The following SLMAP variants were observed in gnomAD, a reference collection of about 807,000 sequenced individuals.
SLMAP encodes the protein sarcolemmal membrane-associated protein.
In SLMAP, 44 loss-of-function variants were observed where a neutral mutation model predicts 128.8. The observed-to-expected ratio is 0.34, with a 90% CI of 0.27 to 0.44. The LOEUF is 0.44. Ranked by LOEUF, SLMAP falls within the 20% of genes least tolerant of loss-of-function variation. The pLI is 1.00. For synonymous variants in SLMAP, 327 were observed against 348.8 expected (o/e 0.94, Z 0.70); for missense variants, 787 against 985.3 (o/e 0.80, Z 2.69).
At chr3:57,907,801 A>G in intron 17 of SLMAP, 83 bp from the exon 18 acceptor site, 2 of 1,345,472 alleles carry the variant, frequency 1.5e-6, no homozygotes, top group Admixed American at 4.6e-5. Context: ...GCATGTGCAA[A>G]CATGAGAGAG....
intron 2 of SLMAP, among the ~76,000 whole-genome samples, chr3:57,770,879 A>C (rs2080708298): frequency 6.6e-6 from 1 of 152,140 alleles, no homozygotes; most frequent in African/African-American, 2.4e-5. Flanking sequence ...GCCTGAGATC[A>C]GAAGTTTTTT....
chr3:57,922,364 T>G (rs370515507), intron 22 of SLMAP, among the ~76,000 whole-genome samples: 14 of 151,956 alleles, frequency 9.2e-5, no homozygotes, highest in African/African-American at 3.1e-4. Context: ...TACTCTTAAT[T>G]TTTTTTAACT....
intron 14 of SLMAP, among the ~76,000 whole-genome samples, chr3:57,885,886 C>T (rs1274271074): frequency 2.7e-4 from 38 of 139,690 alleles, no homozygotes; most frequent in African/African-American, 8.9e-4. Context: ...CAGATTCAAG[C>T]GATTCTTCTG....
At chr3:57,807,526 T>C (rs969312453) in intron 2 of SLMAP, among the ~76,000 whole-genome samples, 1 of 152,236 alleles carries the variant, frequency 6.6e-6, no homozygotes, top group African/African-American at 2.4e-5. Context: ...ATCGAAGGCC[T>C]TTCTGCATCT....
intron 14 of SLMAP, among the ~76,000 whole-genome samples, chr3:57,885,576 C>T (rs1276100646): frequency 6.7e-6 from 1 of 148,836 alleles, no homozygotes; most frequent in Non-Finnish European, 1.5e-5. Flanking sequence ...CCCACCACCA[C>T]GACTGGCTAA....
chr3:57,820,564 G>C (rs2092409047), intron 2 of SLMAP, among the ~76,000 whole-genome samples: 1 of 152,136 alleles, frequency 6.6e-6, no homozygotes, highest in Admixed American at 6.5e-5. Context: ...GTAAACGCGA[G>C]GGCAAATGGT....
intron 2 of SLMAP, among the ~76,000 whole-genome samples, chr3:57,791,427 C>T (rs1689483598): frequency 6.6e-6 from 1 of 152,016 alleles, no homozygotes; most frequent in African/African-American, 2.4e-5. Context: ...TCTTTACTTG[C>T]ACAATGTTTT....
At chr3:57,829,691 A>G (rs746015284) in intron 2 of SLMAP, among the ~76,000 whole-genome samples, 1 of 152,230 alleles carries the variant, frequency 6.6e-6, no homozygotes, top group African/African-American at 2.4e-5. Context: ...CAGTTGGTCT[A>G]TTTTGAATTA....
At chr3:57,918,225 G>A (rs1173664683) in intron 22 of SLMAP, 1 of 152,182 alleles carries the variant, frequency 6.6e-6, no homozygotes, top group Non-Finnish European at 1.5e-5. Flanking sequence ...AATACTGTAA[G>A]CACTTTGTGT....
At chr3:57,912,870 C>T (rs1261918094) in intron 20 of SLMAP, among the ~76,000 whole-genome samples, 169 bp downstream of exon 20, 1 of 151,840 alleles carries the variant, frequency 6.6e-6, no homozygotes, top group African/African-American at 2.4e-5. Flanking sequence ...GCAAGTTCTA[C>T]TTAAATTTAT....
Position 57,818,242 on chromosome 3 carries a change from G to A in SLMAP, c.199-13141G>A, listed in dbSNP as rs373851327. ...GCAATCTTGGCTCACTGCAACCTCC[G>A]CCTCCCGGGTTCAAGCGATTCTCCT... On this transcript the variant is annotated intron_variant, in intron 2 of 24. Coordinates refer to ENST00000671191, the MANE Select transcript of SLMAP (RefSeq NM_001377540.1). Among the ~76,000 whole-genome samples, 26 of 152,174 alleles carry A rather than the reference G, an allele frequency of 1.7e-4. No individual in the cohort carries two copies. In the South Asian group the frequency reaches 5.4e-3, roughly 32 times the overall value.
chr3:57,857,671 A>T, intron 6 of SLMAP, 62 bp from the exon 7 acceptor site: 1 of 1,063,700 alleles, frequency 9.4e-7, no homozygotes, highest in Non-Finnish European at 1.4e-6. Context: ...CTGAAAATTG[A>T]TCACTCCTCA....
intron 2 of SLMAP, among the ~76,000 whole-genome samples, chr3:57,769,530 G>T (rs2080404058): frequency 6.6e-6 from 1 of 151,908 alleles, no homozygotes; most frequent in Admixed American, 6.6e-5. Flanking sequence ...TCACTATGTT[G>T]CCCGGCTGGT....
chr3:57,838,847 A>C (rs1208884860), intron 3 of SLMAP, among the ~76,000 whole-genome samples: 1 of 152,196 alleles, frequency 6.6e-6, no homozygotes, highest in East Asian at 1.9e-4. Flanking sequence ...CCTTCGTAGC[A>C]GGATAGAGGA....
chr3:57,806,523 C>T (rs1290523510), intron 2 of SLMAP, among the ~76,000 whole-genome samples: 2 of 152,054 alleles, frequency 1.3e-5, no homozygotes, highest in South Asian at 2.1e-4. Flanking sequence ...CTGCAACCTC[C>T]GCCTCCCGGG....
intron 2 of SLMAP, among the ~76,000 whole-genome samples, chr3:57,786,736 T>C (rs1455123375): frequency 8.2e-5 from 12 of 146,712 alleles, no homozygotes; most frequent in African/African-American, 3.0e-4. Flanking sequence ...TTTGTATTTT[T>C]TTTTTTTTTT....
chr3:57,896,119 GT>G, intron 15 of SLMAP: 1 of 462,016 alleles, frequency 2.2e-6, no homozygotes, highest in Non-Finnish European at 2.8e-6. Flanking sequence ...TCTTACTAGT[GT>G]TTTTATGTAA....
intron 2 of SLMAP, among the ~76,000 whole-genome samples, chr3:57,778,942 T>G (rs929288098): frequency 2.6e-5 from 4 of 152,172 alleles, no homozygotes; most frequent in Non-Finnish European, 5.9e-5. Flanking sequence ...GTTCTTCTCC[T>G]AGGTATATAC....
Position 57,760,502 on chromosome 3 carries a change from T to C in SLMAP, c.198+2653T>C, listed in dbSNP as rs1378302480. ...GTTTGGACAGATAGTAGGTTTTAATTGAGCATCTATTATGTGCCAGACACT... is the reference window on the plus strand; with the variant it reads ...GTTTGGACAGATAGTAGGTTTTAATCGAGCATCTATTATGTGCCAGACACT... On this transcript the variant is annotated intron_variant, in intron 2 of 24. Coordinates refer to ENST00000671191, the MANE Select transcript of SLMAP (RefSeq NM_001377540.1). Among the ~76,000 whole-genome samples the C allele has an allele frequency of 4.6e-5, 7 of 152,196 alleles. No individual in the cohort carries two copies. The East Asian group carries it at 1.3e-3, about 29-fold the overall frequency.
Sources: allele counts gnomAD v4.1 joint callset (sites outside exome capture counted in the v4.1 genomes callset), GRCh38; gene constraint gnomAD v4.1.1; transcripts MANE v1.5; gene names NCBI Gene and HGNC (gene_info 2026-07-23, HGNC 2026-07-21).